The following MEGF9 variants were observed in gnomAD, a reference collection of about 807,000 sequenced individuals.
MEGF9 encodes multiple epidermal growth factor-like domains protein 9.
MEGF9 carries 6 observed loss-of-function variants against 46.8 expected under a neutral mutation model. The ratio of observed to expected loss-of-function variants is 0.13; its 90% CI spans 0.07 to 0.25. The LOEUF is 0.25. MEGF9 is among the 10% of genes least tolerant of loss of function. The probability of loss-of-function intolerance (pLI) is 1.00; values close to 1 mark genes in which losing one functional copy is unlikely to be tolerated. For synonymous variants in MEGF9, 302 were observed against 330.7 expected (o/e 0.91, Z 0.94); for missense variants, 683 against 792.4 (o/e 0.86, Z 1.66).
chr9:120,622,653 T>C lies in MEGF9; in HGVS notation c.906A>G (p.Gln302=), dbSNP rs751610420. 2.0e-5 allele frequency: 32 copies of C among 1,613,792 alleles called. 1 individual carries two copies. The highest frequency in any genetic ancestry group is 1.1e-4 in the East Asian group (5 of 44,874). Residue 302 remains glutamine (Q), a synonymous_variant, in exon 3 of 6, where the codon CAA becomes CAG. Transcript: ENST00000373930. ...CGCAACTGGCAGACCGATTATTGCA[T>C]TGGCAGGGCAAGCAGCCATTCTTAC... is the stretch of plus-strand genomic sequence containing the variant. ...GFSKNGCLPC[Q]CNNRSASCDA...
chr9:120,694,932 C>T (rs1385868907), intron 1 of MEGF9, among the ~76,000 whole-genome samples: 2 of 76,370 alleles, frequency 2.6e-5, no homozygotes, highest in African/African-American at 8.6e-5. Flanking sequence ...AGCATCACTC[C>T]CAGAGATAAT....
intron 2 of MEGF9, among the ~76,000 whole-genome samples, chr9:120,636,423 A>G (rs979468542): frequency 1.3e-5 from 2 of 152,240 alleles, no homozygotes; most frequent in African/African-American, 4.8e-5. Context: ...TCAGTGGCAT[A>G]GGCTGTACAC....
At chr9:120,712,481 T>C (rs553285830) in intron 1 of MEGF9, among the ~76,000 whole-genome samples, 4 of 152,186 alleles carry the variant, frequency 2.6e-5, no homozygotes, top group Non-Finnish European at 4.4e-5. Context: ...CTCAGTAATA[T>C]GTCAATCTCT....
At chr9:120,677,059 AAAG>A (rs1286637507) in intron 1 of MEGF9, among the ~76,000 whole-genome samples, 9 of 152,112 alleles carry the variant, frequency 5.9e-5, no homozygotes, top group African/African-American at 1.7e-4. Context: ...TAAGGAGCAA[AAAG>A]AAGAAGAAAT....
intron 2 of MEGF9, among the ~76,000 whole-genome samples, chr9:120,654,588 A>G (rs1288698791): frequency 6.6e-6 from 1 of 152,234 alleles, no homozygotes; most frequent in African/African-American, 2.4e-5. Context: ...ATAATACTTA[A>G]TAATGAAAAT....
At chr9:120,652,495 A>C (rs1159428479) in intron 2 of MEGF9, among the ~76,000 whole-genome samples, 9 of 150,386 alleles carry the variant, frequency 6.0e-5, no homozygotes, top group Non-Finnish European at 1.3e-4. Context: ...AAAAAAAAAA[A>C]AAAAAAAACA....
intron 2 of MEGF9, among the ~76,000 whole-genome samples, chr9:120,630,470 T>C (rs13291660): frequency 0.6 from 90,642 of 152,118 alleles, 29,418 homozygotes; most frequent in South Asian, 0.75. Context: ...GCAATAAACA[T>C]GGGCATGCAA....
chr9:120,616,154 G>T (rs1358186405), intron 3 of MEGF9, among the ~76,000 whole-genome samples: 1 of 151,632 alleles, frequency 6.6e-6, no homozygotes, highest in Admixed American at 6.6e-5. Context: ...TTATTACCTT[G>T]ATTTTTCTTA....
At chr9:120,618,508 C>T (rs146444912) in intron 3 of MEGF9, among the ~76,000 whole-genome samples, 290 of 152,160 alleles carry the variant, frequency 1.9e-3, no homozygotes, top group South Asian at 4.6e-3. Flanking sequence ...AATAATATCC[C>T]CCCACTTCCA....
chr9:120,665,105 T>G (rs990919306), intron 1 of MEGF9, among the ~76,000 whole-genome samples: 1 of 152,186 alleles, frequency 6.6e-6, no homozygotes. Context: ...AGAACATCAG[T>G]ACTCATTTAG....
At position 120,659,376 on chromosome 9, in the gene MEGF9, G is replaced by A. The variant is rs778444367; in HGVS notation, c.801C>T (p.Asn267=). Residue 267 remains asparagine (N), a splice_region_variant and synonymous_variant, in exon 2 of 6, where the codon AAC becomes AAT. Coordinates refer to ENST00000373930, the MANE Select transcript of MEGF9 (RefSeq NM_001080497.3). ...CAGTTCCACCCTCTGTTGCTTACCT[G>A]TTGCACGGTATGCTGAGAGCTCCAT... is the stretch of plus-strand genomic sequence containing the variant. ...SPHGALSIPC[N]SSGKCQCKVG... is the part of the protein sequence containing the mutation. 1.9e-6 allele frequency: 3 copies of A among 1,613,024 alleles called. No individual in the cohort carries two copies. The highest frequency in any genetic ancestry group is 1.7e-6 in the Non-Finnish European group (2 of 1,179,406).
intron 1 of MEGF9, among the ~76,000 whole-genome samples, chr9:120,701,644 A>ATATT (rs1394403666): frequency 6.6e-6 from 1 of 152,212 alleles, no homozygotes; most frequent in African/African-American, 2.4e-5. Context: ...ATAATCAAAT[A>ATATT]TATTGATAAA....
intron 1 of MEGF9, among the ~76,000 whole-genome samples, chr9:120,704,265 C>T (rs930528268): frequency 6.6e-6 from 1 of 151,700 alleles, no homozygotes; most frequent in Non-Finnish European, 1.5e-5. Flanking sequence ...ACCTATGAGG[C>T]AGAGGTTGCA....
chr9:120,683,251 G>A (rs1159599649), intron 1 of MEGF9, among the ~76,000 whole-genome samples: 1 of 152,128 alleles, frequency 6.6e-6, no homozygotes, highest in East Asian at 1.9e-4. Context: ...GGGTACTAAG[G>A]AATATGCATT....
At chr9:120,636,286 T>C (rs1194826133) in intron 2 of MEGF9, among the ~76,000 whole-genome samples, 1 of 152,156 alleles carries the variant, frequency 6.6e-6, no homozygotes, top group Non-Finnish European at 1.5e-5. Flanking sequence ...AGGACTTTCA[T>C]CTGCAGTTGG....
intron 2 of MEGF9, among the ~76,000 whole-genome samples, chr9:120,645,341 T>C (rs1184012822): frequency 6.6e-6 from 1 of 152,186 alleles, no homozygotes; most frequent in African/African-American, 2.4e-5. Flanking sequence ...TGAAAGAATG[T>C]GGCATTAAGG....
intron 1 of MEGF9, among the ~76,000 whole-genome samples, chr9:120,675,026 C>T (rs1486445850): frequency 6.6e-6 from 1 of 152,092 alleles, no homozygotes; most frequent in African/African-American, 2.4e-5. Flanking sequence ...CCACAGGCAC[C>T]AGCCATCATG....
intron 1 of MEGF9, among the ~76,000 whole-genome samples, chr9:120,691,255 A>C (rs531865853): frequency 1.4e-4 from 21 of 152,246 alleles, no homozygotes; most frequent in Admixed American, 9.2e-4. Flanking sequence ...TAGCAACATA[A>C]ATGGATAGGG....
At chr9:120,684,693 C>A (rs2043813893) in intron 1 of MEGF9, among the ~76,000 whole-genome samples, 2 of 152,212 alleles carry the variant, frequency 1.3e-5, no homozygotes, top group Admixed American at 1.3e-4. Flanking sequence ...CACCACTGAT[C>A]ATTCCTGCTC....
Sources: allele counts gnomAD v4.1 joint callset (sites outside exome capture counted in the v4.1 genomes callset), GRCh38; gene constraint gnomAD v4.1.1; transcripts MANE v1.5; gene names NCBI Gene and HGNC (gene_info 2026-07-23, HGNC 2026-07-21).